The following STRN variants were observed in gnomAD, a reference collection of about 807,000 sequenced individuals.
The protein encoded by STRN is protein phosphatase 2 regulatory subunit B'''alpha.
Under a neutral mutation model 96.3 loss-of-function variants are expected in STRN, and 53 were observed. The observed-to-expected ratio is 0.55, with a 90% CI of 0.44 to 0.69. The LOEUF (loss-of-function observed/expected upper bound fraction) is 0.69, where lower values mean the gene tolerates loss of function less well. STRN is among the 30% of genes least tolerant of loss of function. The pLI is 0.00. For synonymous variants in STRN, 428 were observed against 355.9 expected, an observed-to-expected ratio of 1.20 and a Z score of -2.28; for missense variants, 987 against 963.9, an observed-to-expected ratio of 1.02 and a Z score of -0.32.
chr2:36,928,128 C>G (rs1670464914), intron 1 of STRN, among the ~76,000 whole-genome samples: 1 of 151,662 alleles, frequency 6.6e-6, no homozygotes, highest in Admixed American at 6.6e-5. Flanking sequence ...AAACACATTC[C>G]TACATAAAAA....
At chr2:36,964,617 C>G (rs894496154) in intron 1 of STRN, among the ~76,000 whole-genome samples, 1 of 152,144 alleles carries the variant, frequency 6.6e-6, no homozygotes, top group Non-Finnish European at 1.5e-5. Context: ...TACAGACTTA[C>G]AAGGAAATCA....
chr2:36,854,431 A>G (rs144801002), intron 15 of STRN, among the ~76,000 whole-genome samples: 1 of 152,328 alleles, frequency 6.6e-6, no homozygotes, highest in Non-Finnish European at 1.5e-5. Context: ...ACAATGAACA[A>G]CAGGTTAGGA....
Position 36,845,167 on chromosome 2 carries a change from G to A in STRN, c.*4289C>T, listed in dbSNP as rs1386831332. ...TAAGTTCAATAATTATTTGGCTATT[G>A]GTTGAAAACATCACACAGACAGACA... is the stretch of plus-strand genomic sequence containing the variant. On this transcript the variant is annotated 3_prime_UTR_variant, in exon 18 of 18. Transcript: ENST00000263918. 6.6e-6 allele frequency: 1 copy of A among 151,990 alleles called. No homozygotes were observed. Among genetic ancestry groups the A allele is most frequent in the East Asian group, 1.9e-4 (1 of 5,192 alleles). 9.4% of individuals were successfully genotyped at this position (151,990 alleles called of 1,614,324 possible). A position where few individuals can be genotyped will look rare whatever the true frequency, so the allele number is the denominator to read the frequency against.
intron 2 of STRN, among the ~76,000 whole-genome samples, 183 bp from the exon 3 acceptor site, chr2:36,916,334 G>A (rs1250352946): frequency 6.6e-6 from 1 of 152,048 alleles, no homozygotes; most frequent in East Asian, 1.9e-4. Flanking sequence ...TGTTGCTGTT[G>A]TTATACCATC....
rs1364513671 is a variant in STRN at position 36,848,384 on chromosome 2, T to C, written c.*1072A>G. The C allele has an allele frequency of 2.0e-5, 3 of 152,198 alleles. No homozygotes were observed. Among genetic ancestry groups the C allele is most frequent in the Admixed American group, 2.0e-4 (3 of 15,272 alleles). 9.4% of individuals were successfully genotyped at this position (152,198 alleles called of 1,614,324 possible). On this transcript the variant is annotated 3_prime_UTR_variant, in exon 18 of 18. Transcript: ENST00000263918. Reference sequence around the variant, plus strand: ...CTTCTGCAAAAGCAGCTGCGTGAAGTTAACCATACTCTTTGGGCTATTAAT... The same window carrying C: ...CTTCTGCAAAAGCAGCTGCGTGAAGCTAACCATACTCTTTGGGCTATTAAT...
chr2:36,851,177 T>A, intron 15 of STRN, 70 bp from the exon 16 acceptor site: 1 of 1,375,840 alleles, frequency 7.3e-7, no homozygotes, highest in Non-Finnish European at 1.0e-6. Flanking sequence ...AGAACTGAAT[T>A]ATCTATCTAA....
At chr2:36,887,929 A>C (rs1410600190) in intron 7 of STRN, among the ~76,000 whole-genome samples, 4 of 152,210 alleles carry the variant, frequency 2.6e-5, no homozygotes, top group African/African-American at 7.2e-5. Context: ...CCCAAGACTG[A>C]TACATCCAAC....
intron 10 of STRN, among the ~76,000 whole-genome samples, chr2:36,876,246 G>T (rs1410069919): frequency 4.7e-5 from 7 of 149,770 alleles, no homozygotes; most frequent in African/African-American, 1.7e-4. Context: ...ACTCCAGCCT[G>T]GGTGACCGAG....
chr2:36,869,907 A>C (rs1464646251), intron 10 of STRN, among the ~76,000 whole-genome samples, 178 bp from the exon 11 acceptor site: 2 of 152,300 alleles, frequency 1.3e-5, no homozygotes, highest in African/African-American at 4.8e-5. Context: ...CAATAACCCA[A>C]CACTAGTTTT....
intron 12 of STRN, among the ~76,000 whole-genome samples, chr2:36,864,872 C>T (rs1347408699): frequency 6.6e-6 from 1 of 152,114 alleles, no homozygotes; most frequent in African/African-American, 2.4e-5. Context: ...GCCACCACGC[C>T]CAGCTAATTT....
At chr2:36,911,545 G>C (rs907137141) in intron 3 of STRN, among the ~76,000 whole-genome samples, 4 of 152,072 alleles carry the variant, frequency 2.6e-5, no homozygotes, top group Admixed American at 2.0e-4. Flanking sequence ...TTGAGTAGCT[G>C]CAACAAACAG....
chr2:36,854,572 C>T (rs1016046203), intron 15 of STRN, among the ~76,000 whole-genome samples: 2 of 152,178 alleles, frequency 1.3e-5, no homozygotes, highest in Admixed American at 6.5e-5. Flanking sequence ...TGCACACACA[C>T]AACATATCAT....
chr2:36,871,985 A>G (rs1287326566), intron 10 of STRN, among the ~76,000 whole-genome samples: 1 of 152,264 alleles, frequency 6.6e-6, no homozygotes, highest in African/African-American at 2.4e-5. Flanking sequence ...TTCTGGAAGA[A>G]GAAAAGCTGA....
chr2:36,846,387 T>TTATATA lies in STRN; in HGVS notation c.*3063_*3068dup, dbSNP rs57446302. The TTATATA allele has an allele frequency of 0.033, 2,602 of 77,758 alleles. 55 individuals are homozygous for TTATATA. Among genetic ancestry groups the TTATATA allele is most frequent in the South Asian group, 0.039 (86 of 2,206 alleles). The allele number at this position is 77,758 out of a possible 1,614,324, so 4.8% of individuals were successfully genotyped here. On this transcript the variant is annotated 3_prime_UTR_variant, in exon 18 of 18. Coordinates refer to ENST00000263918, the MANE Select transcript of STRN (RefSeq NM_003162.4). ...CAAAACAGTAAAATGCACCTATGGTTTATATATATATATATATATATATAT... is the reference window on the plus strand; with the variant it reads ...CAAAACAGTAAAATGCACCTATGGTTTATATATATATATATATATATATATATATAT...
intron 15 of STRN, among the ~76,000 whole-genome samples, chr2:36,852,241 T>G (rs1486763189): frequency 6.6e-6 from 1 of 152,226 alleles, no homozygotes; most frequent in African/African-American, 2.4e-5. Context: ...TGTTAAGCTT[T>G]TTTTAAGAGA....
intron 1 of STRN, among the ~76,000 whole-genome samples, chr2:36,926,772 A>G (rs6738016): frequency 0.053 from 8,083 of 152,258 alleles, 723 homozygotes; most frequent in African/African-American, 0.18. Flanking sequence ...AAACAATTCA[A>G]TTGTTTTCAG....
chr2:36,937,181 T>C lies in STRN; in HGVS notation c.235-11973A>G, dbSNP rs371477097. On this transcript the variant is annotated intron_variant, in intron 1 of 17. Transcript: ENST00000263918. ...CAACATGGAGAAACCCTGTCTCTACTAAAAAATACAAAATTAGCTGGGCGT... is the reference window on the plus strand; with the variant it reads ...CAACATGGAGAAACCCTGTCTCTACCAAAAAATACAAAATTAGCTGGGCGT... Among the ~76,000 whole-genome samples the C allele has an allele frequency of 5.9e-5, 9 of 151,510 alleles. No homozygotes were observed. The East Asian group carries it at 7.8e-4, about 13-fold the overall frequency.
At position 36,925,176 on chromosome 2, in the gene STRN, C is replaced by T. The variant is rs1374113348; in HGVS notation, c.267G>A (p.Lys89=). 19 of 1,613,718 alleles carry T rather than the reference C, an allele frequency of 1.2e-5. No individual in the cohort carries two copies. The highest frequency in any genetic ancestry group is 1.5e-5 in the Non-Finnish European group (18 of 1,179,814). The change falls in exon 2 of 18, where the codon AAG becomes AAA. Residue 89 remains lysine (K), a synonymous_variant. Transcript: ENST00000263918. ...GATCCTTCTTCAAATTTTCTTGGCC[C>T]TTCCTTTCTCCCTGCAGGAAGGCAA... The part of the protein sequence containing the change: ...AQIAFLQGER[K]GQENLKKDLV...
intron 1 of STRN, among the ~76,000 whole-genome samples, chr2:36,942,752 G>C (rs1312106637): frequency 1.3e-5 from 2 of 152,036 alleles, no homozygotes; most frequent in Non-Finnish European, 2.9e-5. Context: ...CTGGAGTGCA[G>C]TGGCGTGATC....
Sources: allele counts gnomAD v4.1 joint callset (sites outside exome capture counted in the v4.1 genomes callset), GRCh38; gene constraint gnomAD v4.1.1; transcripts MANE v1.5; gene names NCBI Gene and HGNC (gene_info 2026-07-23, HGNC 2026-07-21).